Variants in CFAP299 observed in about 807,000 individuals in gnomAD.
CFAP299 encodes cilia and flagella associated protein 299.
CFAP299 carries 21 observed loss-of-function variants against 27.0 expected under a neutral mutation model. That is an observed-to-expected ratio of 0.78 (90% CI 0.55 to 1.12). CFAP299 has a LOEUF of 1.12. Ranked by LOEUF, CFAP299 falls within the 50% of genes most tolerant of loss-of-function variation. CFAP299 has a pLI of 0.00. For missense variants in CFAP299, 310 were observed against 276.6 expected, an observed-to-expected ratio of 1.12 and a Z score of -0.86; for synonymous variants, 104 against 98.1, an observed-to-expected ratio of 1.06 and a Z score of -0.36.
chr4:80,480,855 A>G (rs1165265336), intron 2 of CFAP299, among the ~76,000 whole-genome samples: 4 of 152,074 alleles, frequency 2.6e-5, no homozygotes, highest in African/African-American at 9.7e-5. Context: ...CTATTTGCCC[A>G]TAAAATATTT....
At chr4:80,600,279 A>G (rs1737266124) in intron 3 of CFAP299, among the ~76,000 whole-genome samples, 1 of 152,100 alleles carries the variant, frequency 6.6e-6, no homozygotes, top group Non-Finnish European at 1.5e-5. Flanking sequence ...AACTAGTCCA[A>G]AGAAAATTTT....
chr4:80,494,556 TC>T lies in CFAP299; in HGVS notation c.243-88536del, dbSNP rs763020487. 1.5e-3 allele frequency among the ~76,000 whole-genome samples: 225 copies of T among 152,332 alleles called. 2 individuals are homozygous for T. Among genetic ancestry groups the T allele is most frequent in the Non-Finnish European group, 2.6e-3 (175 of 68,034 alleles). On this transcript the variant is annotated intron_variant, in intron 2 of 5. Coordinates refer to ENST00000358105, the MANE Select transcript of CFAP299 (RefSeq NM_152770.3). ...TTCCTTCTGTCTCACAGCATTTGGTTCTTGCTCACAACCCTCTGGCCACCCT... is the reference window on the plus strand; with the variant it reads ...TTCCTTCTGTCTCACAGCATTTGGTTTTGCTCACAACCCTCTGGCCACCCT...
chr4:80,513,552 G>T (rs1732422910), intron 2 of CFAP299, among the ~76,000 whole-genome samples: 1 of 152,096 alleles, frequency 6.6e-6, no homozygotes, highest in African/African-American at 2.4e-5. Context: ...ATTCAGTAGA[G>T]AAATGAACGT....
At chr4:80,845,293 T>TTTTTC (rs201846435) in intron 3 of CFAP299, among the ~76,000 whole-genome samples, 10 of 150,914 alleles carry the variant, frequency 6.6e-5, no homozygotes, top group African/African-American at 2.4e-4. Flanking sequence ...TTTTTTTTTT[T>TTTTTC]AAAAGACCGT....
chr4:80,687,856 C>A (rs561873695), intron 3 of CFAP299, among the ~76,000 whole-genome samples: 2 of 152,180 alleles, frequency 1.3e-5, no homozygotes, highest in African/African-American at 4.8e-5. Flanking sequence ...CGAAGCAGGG[C>A]GAGGCATTGC....
intron 3 of CFAP299, among the ~76,000 whole-genome samples, chr4:80,825,375 C>G (rs2110127227): frequency 6.6e-6 from 1 of 152,038 alleles, no homozygotes; most frequent in South Asian, 2.1e-4. Context: ...AAAAGCATCT[C>G]AAGTTTGATG....
chr4:80,504,553 G>A (rs1731919174), intron 2 of CFAP299, among the ~76,000 whole-genome samples: 3 of 131,752 alleles, frequency 2.3e-5, no homozygotes, highest in Non-Finnish European at 3.1e-5. Context: ...ATTTCCTCGG[G>A]AGAAAAAAAA....
chr4:80,679,592 C>CT (rs1467099885), intron 3 of CFAP299, among the ~76,000 whole-genome samples: 2 of 151,640 alleles, frequency 1.3e-5, no homozygotes, highest in Non-Finnish European at 2.9e-5. Context: ...AATATTATCA[C>CT]TTTTTTAAAA....
At chr4:80,443,008 G>A (rs1414150125) in intron 2 of CFAP299, among the ~76,000 whole-genome samples, 1 of 152,144 alleles carries the variant, frequency 6.6e-6, no homozygotes, top group Non-Finnish European at 1.5e-5. Context: ...TCCCTGAATA[G>A]ACTAATAACA....
intron 3 of CFAP299, among the ~76,000 whole-genome samples, chr4:80,619,793 A>G (rs1373139685): frequency 6.6e-6 from 1 of 152,080 alleles, no homozygotes; most frequent in Non-Finnish European, 1.5e-5. Flanking sequence ...ATAGACATAT[A>G]ATATATTGTG....
At chr4:80,648,126 G>A (rs115405946) in intron 3 of CFAP299, among the ~76,000 whole-genome samples, 4,481 of 152,234 alleles carry the variant, frequency 0.029, 236 homozygotes, top group African/African-American at 0.1. Context: ...TAAAATTATG[G>A]TTAAATTAGG....
chr4:80,631,598 A>G (rs1739206511), intron 3 of CFAP299, among the ~76,000 whole-genome samples: 1 of 152,154 alleles, frequency 6.6e-6, no homozygotes, highest in Non-Finnish European at 1.5e-5. Flanking sequence ...ATTTTGAAAA[A>G]GAGAAGGTAC....
intron 3 of CFAP299, among the ~76,000 whole-genome samples, chr4:80,699,320 C>G (rs1299398330): frequency 6.6e-6 from 1 of 152,182 alleles, no homozygotes; most frequent in Non-Finnish European, 1.5e-5. Flanking sequence ...GTCAACATCT[C>G]ACTGGATGCT....
chr4:80,677,548 AT>A (rs901094315), intron 3 of CFAP299, among the ~76,000 whole-genome samples: 4 of 152,060 alleles, frequency 2.6e-5, no homozygotes, highest in Non-Finnish European at 5.9e-5. Flanking sequence ...AAAGAAAAAA[AT>A]ATATCAGTCC....
At chr4:80,651,381 G>C (rs10034136) in intron 3 of CFAP299, among the ~76,000 whole-genome samples, 101,428 of 129,114 alleles carry the variant, frequency 0.79, 38,853 homozygotes, top group Non-Finnish European at 0.86. Flanking sequence ...TTTTTTTTTT[G>C]TTGAGACAGA....
At chr4:80,764,641 T>A (rs906383456) in intron 3 of CFAP299, among the ~76,000 whole-genome samples, 2 of 152,070 alleles carry the variant, frequency 1.3e-5, no homozygotes, top group Admixed American at 1.3e-4. Context: ...AGACACATGC[T>A]CATGTATGTT....
chr4:80,473,545 T>C (rs1026228275), intron 2 of CFAP299, among the ~76,000 whole-genome samples: 18 of 151,930 alleles, frequency 1.2e-4, no homozygotes, highest in African/African-American at 4.4e-4. Flanking sequence ...CTGTGTAAAA[T>C]AGGAAGAGCT....
intron 2 of CFAP299, among the ~76,000 whole-genome samples, chr4:80,531,505 C>T (rs1293980680): frequency 1.3e-5 from 2 of 152,086 alleles, no homozygotes; most frequent in Non-Finnish European, 2.9e-5. Flanking sequence ...TTTCAATTTG[C>T]AATTATACTT....
chr4:80,353,343 C>G (rs1723103710), intron 1 of CFAP299, among the ~76,000 whole-genome samples: 1 of 152,178 alleles, frequency 6.6e-6, no homozygotes, highest in Admixed American at 6.5e-5. Flanking sequence ...TCTCACTGCC[C>G]AATCCTGCTT....
Sources: gnomAD v4.1 joint callset for allele counts (sites outside exome capture counted in the v4.1 genomes callset) on GRCh38, gnomAD v4.1.1 for gene constraint, MANE v1.5 for transcripts, NCBI Gene and HGNC (gene_info 2026-07-23, HGNC 2026-07-21) for gene names.